The following ANO4 variants were observed in gnomAD, a reference collection of about 807,000 sequenced individuals.
ANO4 encodes the protein anoctamin-4.
ANO4 carries 69 observed loss-of-function variants against 141.9 expected under a neutral mutation model. The ratio of observed to expected loss-of-function variants is 0.49; its 90% CI spans 0.40 to 0.59. ANO4 has a LOEUF of 0.59. ANO4 is among the 20% of genes least tolerant of loss of function. The pLI is 0.00. For synonymous variants in ANO4, 350 were observed against 394.3 expected, an observed-to-expected ratio of 0.89 and a Z score of 1.33; for missense variants, 894 against 1,162.2, an observed-to-expected ratio of 0.77 and a Z score of 3.36.
intron 14 of ANO4, among the ~76,000 whole-genome samples, chr12:101,075,930 C>G (rs1032119779): frequency 2.6e-5 from 4 of 151,946 alleles, no homozygotes; most frequent in Non-Finnish European, 5.9e-5. Context: ...AAGAGACAAC[C>G]TGTCTTGGTT....
intron 14 of ANO4, among the ~76,000 whole-genome samples, chr12:101,076,643 A>T (rs969036481): frequency 6.6e-6 from 1 of 152,068 alleles, no homozygotes; most frequent in Admixed American, 6.5e-5. Context: ...AGCAGCTGCC[A>T]GTAAGACAGA....
At chr12:101,070,565 A>G (rs1453206786) in intron 14 of ANO4, among the ~76,000 whole-genome samples, 2 of 151,936 alleles carry the variant, frequency 1.3e-5, no homozygotes, top group South Asian at 2.1e-4. Context: ...TGAAACTACT[A>G]AAAAAAAGCA....
chr12:100,910,599 A>G (rs1190937272), intron 2 of ANO4, among the ~76,000 whole-genome samples: 3 of 152,194 alleles, frequency 2.0e-5, no homozygotes, highest in Admixed American at 6.5e-5. Flanking sequence ...TCAAGAGCAT[A>G]GTAAACTGAA....
chr12:100,839,162 T>C (rs1373119549), intron 1 of ANO4, among the ~76,000 whole-genome samples: 1 of 152,234 alleles, frequency 6.6e-6, no homozygotes, highest in Non-Finnish European at 1.5e-5. Context: ...CTTATACTTC[T>C]GCTGGCCAGG....
chr12:100,764,398 C>T (rs1475442132), intron 3 of ANO4, among the ~76,000 whole-genome samples: 1 of 152,114 alleles, frequency 6.6e-6, no homozygotes, highest in Non-Finnish European at 1.5e-5. Flanking sequence ...CCTCAGAGTT[C>T]TAAGAAAACT....
chr12:100,835,205 T>G (rs1169371338), intron 1 of ANO4, among the ~76,000 whole-genome samples: 1 of 152,096 alleles, frequency 6.6e-6, no homozygotes, highest in African/African-American at 2.4e-5. Flanking sequence ...GTCTGTGAGC[T>G]CTTTGAGGGA....
At chr12:100,780,809 G>C (rs1253440595) in intron 3 of ANO4, among the ~76,000 whole-genome samples, 2 of 152,260 alleles carry the variant, frequency 1.3e-5, no homozygotes, top group African/African-American at 4.8e-5. Context: ...CTCCCAAAAC[G>C]CTGGGATTAC....
chr12:101,003,724 G>C (rs1452156781), intron 8 of ANO4, among the ~76,000 whole-genome samples: 1 of 152,036 alleles, frequency 6.6e-6, no homozygotes, highest in East Asian at 1.9e-4. Context: ...TGTATAGTAG[G>C]ATGACTAGAA....
chr12:100,902,805 A>G (rs763541865), intron 2 of ANO4, among the ~76,000 whole-genome samples: 3 of 152,176 alleles, frequency 2.0e-5, no homozygotes, highest in Admixed American at 2.0e-4. Flanking sequence ...ACTTTCCTCC[A>G]GTTTTCAGAA....
chr12:100,958,286 G>T (rs1162289544), intron 5 of ANO4, among the ~76,000 whole-genome samples: 1 of 152,158 alleles, frequency 6.6e-6, no homozygotes, highest in African/African-American at 2.4e-5. Context: ...TGGTACTTTT[G>T]CTTCGTCCTC....
At chr12:101,015,178 C>T (rs1293423322) in intron 8 of ANO4, among the ~76,000 whole-genome samples, 3 of 152,234 alleles carry the variant, frequency 2.0e-5, no homozygotes, top group African/African-American at 7.2e-5. Context: ...GTAAAAATTT[C>T]CTAAGTATGT....
At chr12:101,074,110 A>T (rs752850235) in intron 14 of ANO4, among the ~76,000 whole-genome samples, 2 of 152,188 alleles carry the variant, frequency 1.3e-5, no homozygotes, top group African/African-American at 2.4e-5. Context: ...TGACCAGGTG[A>T]CTTCATCTCC....
intron 14 of ANO4, among the ~76,000 whole-genome samples, chr12:101,070,724 C>T (rs2048776299): frequency 2.6e-5 from 4 of 151,994 alleles, no homozygotes. Context: ...AAGAGACAAC[C>T]CACAGAACCC....
chr12:101,048,446 C>A, intron 14 of ANO4, 45 bp downstream of exon 14: 1 of 1,529,832 alleles, frequency 6.5e-7, no homozygotes, highest in Non-Finnish European at 9.0e-7. Flanking sequence ...CTCATATGCC[C>A]TATGATATAT....
chr12:100,720,023 A>G (rs768767881), intron 1 of ANO4, among the ~76,000 whole-genome samples: 1 of 152,210 alleles, frequency 6.6e-6, no homozygotes, highest in Non-Finnish European at 1.5e-5. Flanking sequence ...CACCACTGAC[A>G]TTTATTTTCT....
intron 1 of ANO4, among the ~76,000 whole-genome samples, chr12:100,853,745 C>T (rs1012872707): frequency 2.0e-5 from 3 of 152,054 alleles, no homozygotes; most frequent in African/African-American, 7.2e-5. Flanking sequence ...AAATGTTTTA[C>T]GTGTATATTT....
At chr12:101,125,401 G>A (rs2051268595) in intron 26 of ANO4, among the ~76,000 whole-genome samples, 2 of 152,012 alleles carry the variant, frequency 1.3e-5, no homozygotes, top group South Asian at 4.2e-4. Flanking sequence ...ACGGGATCAG[G>A]TCATCTGCAA....
chr12:101,099,693 G>A lies in ANO4; in HGVS notation c.2122G>A (p.Gly708Arg). The change falls in exon 22 of 28, where the codon GGA (glycine) becomes AGA (arginine). Residue 708 changes from glycine (G) to arginine (R), a missense_variant. Transcript: ENST00000392977. ...TAACCTTCAGCCGATGAATGCCTAT[G>A]GACTCTTCGATGAATACTTAGAAAT... ...DYNLQPMNAY[G>R]LFDEYLEMIL... 2.5e-6 allele frequency: 4 copies of A among 1,583,664 alleles called. No individual in the cohort carries two copies. The highest frequency in any genetic ancestry group is 3.4e-6 in the Non-Finnish European group (4 of 1,171,962).
chr12:100,961,477 A>G (rs1454422066), intron 5 of ANO4, among the ~76,000 whole-genome samples: 2 of 152,214 alleles, frequency 1.3e-5, no homozygotes, highest in African/African-American at 4.8e-5. Context: ...AGCATGAACC[A>G]CTAAATCACT....
Sources: allele counts gnomAD v4.1 joint callset (sites outside exome capture counted in the v4.1 genomes callset), GRCh38; gene constraint gnomAD v4.1.1; transcripts MANE v1.5; gene names NCBI Gene and HGNC (gene_info 2026-07-23, HGNC 2026-07-21).